INSL6: variants seen among roughly 807,000 people sequenced by gnomAD.
INSL6 encodes the protein insulin like 6, also known as insulin-like peptide INSL6.
A neutral mutation model predicts 9.4 loss-of-function variants in INSL6; 16 were observed. The observed-to-expected ratio is 1.70, with a 90% CI of 1.15 to 2.59. The LOEUF is 2.59. Ranked by LOEUF, INSL6 falls within the 30% of genes most tolerant of loss-of-function variation. The probability of loss-of-function intolerance (pLI) is 0.00; values close to 1 mark genes in which losing one functional copy is unlikely to be tolerated. For synonymous variants in INSL6, 154 were observed against 96.9 expected, an observed-to-expected ratio of 1.59 and a Z score of -3.46; for missense variants, 391 against 257.3, an observed-to-expected ratio of 1.52 and a Z score of -3.56.
chr9:5,074,420 A>T, the INSL6 span, among the ~76,000 whole-genome samples: 23 of 152,178 alleles, frequency 1.5e-4, no homozygotes, highest in East Asian at 3.7e-3. Flanking sequence ...TGCTCATTTC[A>T]TGTCTCTGTG....
the INSL6 span, among the ~76,000 whole-genome samples, chr9:5,093,120 C>T: frequency 9.2e-5 from 14 of 152,074 alleles, no homozygotes; most frequent in African/African-American, 1.4e-4. Flanking sequence ...TATTCTCCAC[C>T]GCATAAGCTT....
At chr9:5,038,596 ATTT>A in the INSL6 span, among the ~76,000 whole-genome samples, 40,177 of 146,450 alleles carry the variant, frequency 0.27, 5,538 homozygotes, top group African/African-American at 0.33. Context: ...TGGATTTTAG[ATTT>A]TTTTTTTTTT....
chr9:5,158,018 AGC>A (rs1323353709), intron 2 of INSL6, among the ~76,000 whole-genome samples: 1 of 152,212 alleles, frequency 6.6e-6, no homozygotes, highest in Non-Finnish European at 1.5e-5. Context: ...AAAAGAATAA[AGC>A]AGAAATTCTG....
downstream of INSL6, among the ~76,000 whole-genome samples, chr9:5,123,832 AT>A (rs1011937902): frequency 7.0e-6 from 1 of 142,850 alleles, no homozygotes. Context: ...TCTCTCTCTC[AT>A]TTTTTTTTCC....
At chr9:5,088,341 A>G in the INSL6 span, among the ~76,000 whole-genome samples, 1 of 152,224 alleles carries the variant, frequency 6.6e-6, no homozygotes, top group Non-Finnish European at 1.5e-5. Flanking sequence ...CTTCAAGTAT[A>G]TAACTGAAAA....
the INSL6 span, among the ~76,000 whole-genome samples, chr9:4,995,847 C>CT: frequency 1.3e-5 from 2 of 151,526 alleles, no homozygotes; most frequent in African/African-American, 2.4e-5. Flanking sequence ...TTAGTTTTAC[C>CT]TTTTTTTTAA....
At chr9:5,044,087 CCTA>C in the INSL6 span, among the ~76,000 whole-genome samples, 1 of 152,126 alleles carries the variant, frequency 6.6e-6, no homozygotes, top group Non-Finnish European at 1.5e-5. Flanking sequence ...TTTCAGATTC[CCTA>C]CTGATGTTAC....
chr9:5,105,266 C>T, the INSL6 span, among the ~76,000 whole-genome samples: 1 of 152,266 alleles, frequency 6.6e-6, no homozygotes, highest in South Asian at 2.1e-4. Flanking sequence ...ACACCCATAA[C>T]AGACAAACAT....
the INSL6 span, chr9:5,097,289 T>C: frequency 6.6e-5 from 10 of 152,198 alleles, no homozygotes; most frequent in South Asian, 8.3e-4. Flanking sequence ...CAATATTAAC[T>C]GACCGTAACC....
Position 5,164,113 on chromosome 9 carries a change from G to A in INSL6, c.442C>T (p.Gln148Ter), listed in dbSNP as rs1195208164. The change falls in exon 2 of 2, where the codon CAG becomes TAG. Residue 148 changes from glutamine (Q) to a stop codon, truncating the protein, a stop_gained. Transcript: ENST00000381641. LOFTEE classifies it low-confidence loss of function (END_TRUNC). The stretch of plus-strand genomic sequence containing the variant: ...TTAATTTTGTTTCTACGTTTCTTCT[G>A]AAATTTTGCATTCTCATGAATATAT... ...NVYIHENAKF[Q>*]KKRRNKIKTL... 32 of 1,612,314 alleles carry A rather than the reference G, an allele frequency of 2.0e-5. No individual in the cohort carries two copies. Among genetic ancestry groups the A allele is most frequent in the Admixed American group, 3.3e-5 (2 of 59,732 alleles).
chr9:5,083,159 C>T, the INSL6 span, among the ~76,000 whole-genome samples: 96 of 152,260 alleles, frequency 6.3e-4, no homozygotes, highest in Non-Finnish European at 1.2e-3. Flanking sequence ...GAAAGGAATA[C>T]ATAAGCTTTT....
At chr9:5,081,669 T>G in the INSL6 span, 1 of 1,280,104 alleles carries the variant, frequency 7.8e-7, no homozygotes, top group Middle Eastern at 1.9e-4. Context: ...TATATCAGTT[T>G]AGTCCAGAGA....
intron 3 of INSL6, chr9:5,127,112 T>A: frequency 3.7e-6 from 1 of 267,900 alleles, no homozygotes; most frequent in Non-Finnish European, 7.1e-6. Flanking sequence ...CTGAAAAAAT[T>A]ATTATGTAAA....
the INSL6 span, chr9:5,081,798 T>C: frequency 6.2e-7 from 1 of 1,612,658 alleles, no homozygotes; most frequent in Admixed American, 1.7e-5. Flanking sequence ...CTGGTGCCTT[T>C]GAAGACCGGG....
At chr9:5,125,751 T>C (rs199764154) in intron 3 of INSL6, among the ~76,000 whole-genome samples, 1 of 70,188 alleles carries the variant, frequency 1.4e-5, no homozygotes, top group Non-Finnish European at 2.6e-5. Flanking sequence ...GTTGACTATA[T>C]ATTTGTTGGG....
the INSL6 span, among the ~76,000 whole-genome samples, chr9:5,068,479 T>C: frequency 6.6e-6 from 1 of 152,250 alleles, no homozygotes; most frequent in Non-Finnish European, 1.5e-5. Flanking sequence ...GAAACAGTGG[T>C]ACTTGAACTG....
At chr9:5,028,717 T>C in the INSL6 span, among the ~76,000 whole-genome samples, 3 of 152,388 alleles carry the variant, frequency 2.0e-5, no homozygotes, top group East Asian at 1.9e-4. Context: ...TGCACTTTTA[T>C]GTTAGGGACA....
chr9:5,073,112 C>T, the INSL6 span, among the ~76,000 whole-genome samples: 1 of 152,150 alleles, frequency 6.6e-6, no homozygotes, highest in African/African-American at 2.4e-5. Flanking sequence ...CTTACAATAT[C>T]TTAAAGGGTG....
the INSL6 span, chr9:5,111,695 A>G: frequency 7.0e-6 from 3 of 429,888 alleles, no homozygotes; most frequent in African/African-American, 4.1e-5. Context: ...CGGAGGCAGC[A>G]GCACGTTTGG....
Sources: gnomAD v4.1 joint callset for allele counts (sites outside exome capture counted in the v4.1 genomes callset) on GRCh38, gnomAD v4.1.1 for gene constraint, MANE v1.5 for transcripts, NCBI Gene and HGNC (gene_info 2026-07-23, HGNC 2026-07-21) for gene names.